RPH3AL: variants seen among roughly 807,000 people sequenced by gnomAD.
RPH3AL encodes the protein rab effector Noc2.
In RPH3AL, 38 loss-of-function variants were observed where a neutral mutation model predicts 43.1. The observed-to-expected ratio is 0.88, with a 90% confidence interval of 0.68 to 1.15. RPH3AL has a LOEUF of 1.15. Ranked by LOEUF, RPH3AL falls within the 50% of genes most tolerant of loss-of-function variation. The pLI is 0.00. For synonymous variants in RPH3AL, 189 were observed against 176.3 expected, an observed-to-expected ratio of 1.07 and a Z score of -0.57; for missense variants, 462 against 423.2, an observed-to-expected ratio of 1.09 and a Z score of -0.81.
chr17:217,124 C>A (rs2040825269), intron 8 of RPH3AL, among the ~76,000 whole-genome samples: 1 of 136,618 alleles, frequency 7.3e-6, no homozygotes, highest in Non-Finnish European at 1.6e-5. Context: ...GAAATCAGGA[C>A]CCCCAAGGCA....
intron 7 of RPH3AL, among the ~76,000 whole-genome samples, chr17:234,803 G>A (rs1470828409): frequency 6.6e-6 from 1 of 152,252 alleles, no homozygotes; most frequent in Non-Finnish European, 1.5e-5. Context: ...TGGGGAGTGG[G>A]CTGGGGGTGA....
rs535410817 is a variant in RPH3AL, at chr17:308,809, AT to A, written c.351+10610del. ...TAGCAGAGACCCCATCAGCACCTGA[AT>A]TCTCTCCTAGCCCTAATGCCTCCAC... is the stretch of plus-strand genomic sequence containing the variant. On this transcript the variant is annotated intron_variant, in intron 5 of 9. Transcript: ENST00000331302. 4.6e-4 allele frequency among the ~76,000 whole-genome samples: 70 copies of A among 152,290 alleles called. 1 individual carries two copies. Among genetic ancestry groups the A allele is most frequent in the African/African-American group, 1.7e-3 (69 of 41,576 alleles).
At chr17:348,286 A>G (rs2151736810) in intron 1 of RPH3AL, among the ~76,000 whole-genome samples, 1 of 152,310 alleles carries the variant, frequency 6.6e-6, no homozygotes, top group East Asian at 1.9e-4. Flanking sequence ...AAGGCAGCAA[A>G]GCCATTATTC....
chr17:269,108 GA>G (rs2042399104), intron 6 of RPH3AL, among the ~76,000 whole-genome samples: 1 of 152,118 alleles, frequency 6.6e-6, no homozygotes, highest in Non-Finnish European at 1.5e-5. Flanking sequence ...TCGATCTCCT[GA>G]CCTCATAATC....
At chr17:233,906 CGG>C (rs2041293296) in intron 7 of RPH3AL, among the ~76,000 whole-genome samples, 1 of 101,572 alleles carries the variant, frequency 9.8e-6, no homozygotes, top group Non-Finnish European at 2.1e-5. Flanking sequence ...AAGCGGGGAG[CGG>C]CTACTTACCC....
intron 3 of RPH3AL, among the ~76,000 whole-genome samples, chr17:326,698 T>C (rs1167852575): frequency 1.3e-5 from 2 of 152,154 alleles, no homozygotes; most frequent in Non-Finnish European, 2.9e-5. Context: ...CTGGCCAACA[T>C]GGTAAAACCC....
intron 1 of RPH3AL, among the ~76,000 whole-genome samples, chr17:335,593 T>C (rs1407045346): frequency 6.6e-6 from 1 of 152,078 alleles, no homozygotes; most frequent in Non-Finnish European, 1.5e-5. Flanking sequence ...CAGCAATATA[T>C]AACGGATAAA....
At chr17:220,726 C>T (rs1555530774) in intron 7 of RPH3AL, among the ~76,000 whole-genome samples, 2 of 55,904 alleles carry the variant, frequency 3.6e-5, no homozygotes, top group African/African-American at 1.8e-4. Context: ...CCAAGCACAT[C>T]AGCTCTGAGG....
rs994636520 is a variant in RPH3AL, at chr17:215,798, G to T, written c.732C>A (p.Gly244=). The T allele has an allele frequency of 8.5e-6, 11 of 1,298,610 alleles. No homozygotes were observed. In the African/African-American group the frequency reaches 1.7e-4, roughly 20 times the overall value. 80.4% of individuals were successfully genotyped at this position (1,298,610 alleles called of 1,614,324 possible). A position where few individuals can be genotyped will look rare whatever the true frequency, so the allele number is the denominator to read the frequency against. The part of the protein sequence containing the change: ...KGDKPWKESG[G]SVEAPRMGFT... ...ACCCCATCCTGGGGGCCTCCACGCT[G>T]CCACCTGTGGGAAATCACGTGTGGG... is the stretch of plus-strand genomic sequence containing the variant. Residue 244 remains glycine, a synonymous_variant, in exon 9 of 10, where the codon GGC becomes GGA. Coordinates refer to ENST00000331302, the MANE Select transcript of RPH3AL (RefSeq NM_006987.4). This position sits in a 1 kb window ranked among gnomAD's most constrained non-coding sequence, Gnocchi z 4.1.
intron 5 of RPH3AL, among the ~76,000 whole-genome samples, chr17:302,109 A>G (rs1027844454): frequency 3.9e-5 from 6 of 152,270 alleles, no homozygotes; most frequent in Non-Finnish European, 5.9e-5. Context: ...CCAGAGGCAC[A>G]GAGGCGAGAG....
chr17:230,544 C>T (rs1229364849), intron 7 of RPH3AL, among the ~76,000 whole-genome samples: 1 of 152,170 alleles, frequency 6.6e-6, no homozygotes, highest in Non-Finnish European at 1.5e-5. Flanking sequence ...AAAGCAAAGG[C>T]CAGGCAGTGG....
intron 6 of RPH3AL, among the ~76,000 whole-genome samples, chr17:251,787 A>G (rs1359809117): frequency 6.6e-6 from 1 of 152,178 alleles, no homozygotes; most frequent in African/African-American, 2.4e-5. Context: ...CCCTCTGATG[A>G]GCGAAAGCTC....
rs148350899 is a variant in RPH3AL, at chr17:346,320, G to A, written c.-213+6392C>T. ...CCCAGTTGTGTTAGTCCGTTTTCAC[G>A]CTGCTGATAAGGCATACCCAAGACT... On this transcript the variant is annotated intron_variant, in intron 1 of 9. Transcript: ENST00000331302. Among the ~76,000 whole-genome samples, 13 of 135,200 alleles carry A rather than the reference G, an allele frequency of 9.6e-5. 3 individuals are homozygous for A. The highest frequency in any genetic ancestry group is 7.0e-4 in the East Asian group (3 of 4,256). 88.7% of individuals were successfully genotyped at this position (135,200 alleles called of 152,430 possible).
At chr17:300,234 G>C (rs1403038307) in intron 5 of RPH3AL, among the ~76,000 whole-genome samples, 1 of 91,626 alleles carries the variant, frequency 1.1e-5, no homozygotes, top group Admixed American at 1.0e-4. Flanking sequence ...GAAGGGGCTG[G>C]CCCAGCCTAG....
At chr17:221,899 C>T (rs2040993739) in intron 7 of RPH3AL, among the ~76,000 whole-genome samples, 1 of 103,332 alleles carries the variant, frequency 9.7e-6, no homozygotes, top group Non-Finnish European at 2.0e-5. Context: ...AGCACATCAG[C>T]TCTGAGGCCT....
chr17:313,455 G>A (rs1363600787), intron 5 of RPH3AL, among the ~76,000 whole-genome samples: 2 of 152,202 alleles, frequency 1.3e-5, no homozygotes, highest in African/African-American at 4.8e-5. Context: ...GCTCGTTCCT[G>A]CCTCAGGGCC....
intron 6 of RPH3AL, among the ~76,000 whole-genome samples, chr17:281,100 GCCC>G (rs1271073681): frequency 1.3e-5 from 2 of 152,068 alleles, no homozygotes; most frequent in East Asian, 3.9e-4. Flanking sequence ...GACTGTCCCT[GCCC>G]ATCTGCTACT....
chr17:219,192 C>CTTTTTTTTTTTTTTTTTTTTT (rs796389217), intron 8 of RPH3AL, among the ~76,000 whole-genome samples: 3 of 58,004 alleles, frequency 5.2e-5, no homozygotes, highest in African/African-American at 1.6e-4. Flanking sequence ...ATAAACAGCA[C>CTTTTTTTTTTTTTTTTTTTTT]TTTTTTTTTT....
At chr17:239,048 G>C (rs2041467251) in intron 7 of RPH3AL, among the ~76,000 whole-genome samples, 1 of 152,128 alleles carries the variant, frequency 6.6e-6, no homozygotes, top group African/African-American at 2.4e-5. Flanking sequence ...GGTACCAAGA[G>C]GTACTCAGGC....
Sources: gnomAD v4.1 joint callset for allele counts (sites outside exome capture counted in the v4.1 genomes callset) on GRCh38, gnomAD v4.1.1 for gene constraint, Gnocchi (gnomAD v3.1) non-coding constraint, MANE v1.5 for transcripts, NCBI Gene and HGNC (gene_info 2026-07-23, HGNC 2026-07-21) for gene names.